The following ARL10 variants were observed in gnomAD, a reference collection of about 807,000 sequenced individuals.
ARL10 encodes the protein ADP-ribosylation factor-like protein 10.
In ARL10, 23 loss-of-function variants were observed where a neutral mutation model predicts 26.1. The observed-to-expected ratio is 0.88, with a 90% CI of 0.63 to 1.25. The LOEUF is 1.25. Among genes scored for constraint, ARL10 ranks in the 50% most tolerant of loss-of-function variants. The pLI, the probability that ARL10 is intolerant of heterozygous loss-of-function variation, is 0.00. For missense variants in ARL10, 300 were observed against 323.6 expected, an observed-to-expected ratio of 0.93 and a Z score of 0.56; for synonymous variants, 138 against 149.1, an observed-to-expected ratio of 0.93 and a Z score of 0.54.
chr5:176,396,801 C>T (rs565439361), intron 1 of ARL10, among the ~76,000 whole-genome samples: 6 of 152,184 alleles, frequency 3.9e-5, no homozygotes, highest in Non-Finnish European at 8.8e-5. Context: ...TCCCCACTGC[C>T]CATGTCACTG....
chr5:176,365,749 G>C lies in ARL10; in HGVS notation c.183+3G>C. ...TCCCCGAGTGGGACGAGTGGGACGT[G>C]AGTGCCGGGCCGAGGCCTGCGGAAG... On this transcript the variant is annotated splice_donor_region_variant and intron_variant, in intron 1 of 3. Coordinates refer to ENST00000310389, the MANE Select transcript of ARL10 (RefSeq NM_173664.6). 8.1e-7 allele frequency: 1 copy of C among 1,235,710 alleles called. No homozygotes were observed. Among genetic ancestry groups the C allele is most frequent in the Non-Finnish European group, 1.0e-6 (1 of 989,188 alleles). 76.5% of individuals were successfully genotyped at this position (1,235,710 alleles called of 1,614,324 possible).
chr5:176,384,575 C>T, downstream of ARL10: 1 of 587,590 alleles, frequency 1.7e-6, no homozygotes, highest in Non-Finnish European at 3.0e-6. Context: ...TCTCTTGAGC[C>T]CAGGAGTTCC....
exon 2 of ARL10, chr5:176,388,542 C>A (rs776730232): frequency 6.2e-7 from 1 of 1,606,728 alleles, no homozygotes; most frequent in Admixed American, 1.7e-5. Context: ...TTGGGCATCG[C>A]GCTGACCACC....
At chr5:176,406,797 C>T, downstream of ARL10, 3 of 1,045,154 alleles carry the variant, frequency 2.9e-6, no homozygotes, top group South Asian at 4.7e-5. Flanking sequence ...TTTCTCCTCC[C>T]CCTGCAGGTG....
In ARL10 at chr5:176,368,681, AGTGAGCGGGGGCCCGGGGTG is replaced by A. The variant is rs1561772420; in HGVS notation, c.386-124_386-105del. 5.9e-4 allele frequency: 616 copies of A among 1,043,334 alleles called. 7 individuals are homozygous for A. The highest frequency in any genetic ancestry group is 2.6e-3 in the African/African-American group (122 of 47,004). 64.6% of individuals were successfully genotyped at this position (1,043,334 alleles called of 1,614,324 possible). ...GCAGGGTGGGGTGGGGGCTGTGGGCAGTGAGCGGGGGCCCGGGGTGGGGTGGGGGCTGTGGGCAGTGAGCG... is the reference window on the plus strand; with the variant it reads ...GCAGGGTGGGGTGGGGGCTGTGGGCAGGGTGGGGGCTGTGGGCAGTGAGCG... On this transcript the variant is annotated intron_variant, in intron 2 of 3. Coordinates refer to ENST00000310389, the MANE Select transcript of ARL10 (RefSeq NM_173664.6). This position sits in a 1 kb window ranked among gnomAD's most constrained non-coding sequence, Gnocchi z 4.1.
chr5:176,366,539 G>C lies in ARL10; in HGVS notation c.343G>C (p.Val115Leu). Residue 115 changes from valine (V) to leucine (L), a missense_variant, in exon 2 of 4, where the codon GTG (valine) becomes CTG (leucine). Val to Leu is a conservative substitution (Grantham distance 32). Transcript: ENST00000310389. ...GHIPTWGFNS[V>L]RLPTKDFEVD... ...CATCCCCACCTGGGGCTTCAACTCC[G>C]TGCGTCTGCCCACCAAGGACTTTGA... The C allele has an allele frequency of 6.2e-7, 1 of 1,614,132 alleles. No homozygotes were observed. Among genetic ancestry groups the C allele is most frequent in the Non-Finnish European group, 8.5e-7 (1 of 1,180,028 alleles).
chr5:176,410,935 A>C, the ARL10 span, among the ~76,000 whole-genome samples: 1 of 152,184 alleles, frequency 6.6e-6, no homozygotes, highest in Non-Finnish European at 1.5e-5. Flanking sequence ...TTGATTAGTC[A>C]CAAATTCCTG....
At chr5:176,409,406 C>CTTTTTTTTTTTTTT in the ARL10 span, among the ~76,000 whole-genome samples, 1 of 79,656 alleles carries the variant, frequency 1.3e-5, no homozygotes. Flanking sequence ...TCTGATTGCC[C>CTTTTTTTTTTTTTT]TTTTTTTTTT....
At chr5:176,409,561 C>A in the ARL10 span, among the ~76,000 whole-genome samples, 3 of 151,958 alleles carry the variant, frequency 2.0e-5, no homozygotes, top group African/African-American at 4.8e-5. Flanking sequence ...TTACAGGCAC[C>A]TGCCACAATG....
rs1349948957 is a variant in ARL10 at position 176,375,200 on chromosome 5, C to T, written c.*3305C>T. 30 of 67,100 alleles carry T rather than the reference C, an allele frequency of 4.5e-4. No homozygotes were observed. Among genetic ancestry groups the T allele is most frequent in the Admixed American group, 7.7e-4 (5 of 6,490 alleles). The allele number at this position is 67,100 out of a possible 1,614,324, so 4.2% of individuals were successfully genotyped here. ...CCCACCCATCCACCCATCCATCCAT[C>T]CATCCACTCATCCACCCATCCACCC... is the stretch of plus-strand genomic sequence containing the variant. On this transcript the variant is annotated 3_prime_UTR_variant, in exon 4 of 4. Transcript: ENST00000310389.
At position 176,378,572 on chromosome 5, in the gene ARL10, A is replaced by G. The variant is rs1482719114; in HGVS notation, c.*6677A>G. On this transcript the variant is annotated 3_prime_UTR_variant, in exon 4 of 4. Coordinates refer to ENST00000310389, the MANE Select transcript of ARL10 (RefSeq NM_173664.6). Reference sequence around the variant, plus strand: ...TATACATAGCATGTCTGCTATGTATATAGCATTTTCTGATTTCCCTTTAGC... The same window carrying G: ...TATACATAGCATGTCTGCTATGTATGTAGCATTTTCTGATTTCCCTTTAGC... The G allele has an allele frequency of 6.6e-6, 1 of 152,272 alleles. No homozygotes were observed. Among genetic ancestry groups the G allele is most frequent in the African/African-American group, 2.4e-5 (1 of 41,470 alleles). 9.4% of individuals were successfully genotyped at this position (152,272 alleles called of 1,614,324 possible).
At chr5:176,389,724 C>T (rs1756184159), downstream of ARL10, 1 of 458,066 alleles carries the variant, frequency 2.2e-6, no homozygotes, top group Non-Finnish European at 3.9e-6. Context: ...CCCTCCACTC[C>T]CCTGCTTAAT....
Position 176,370,064 on chromosome 5 carries a change from A to G in ARL10, c.561+1082A>G, listed in dbSNP as rs75081256. On this transcript the variant is annotated intron_variant, in intron 3 of 3. Transcript: ENST00000310389. ...TTCTGGCTCTAGATCAGAGAGCTGA[A>G]GCTGGTAACTGATGAGAGGTAGAAC... 7.7e-3 allele frequency among the ~76,000 whole-genome samples: 1,168 copies of G among 152,262 alleles called. 11 individuals are homozygous for G. The highest frequency in any genetic ancestry group is 0.027 in the African/African-American group (1,108 of 41,536).
downstream of ARL10, among the ~76,000 whole-genome samples, chr5:176,382,461 G>A (rs562738433): frequency 2.7e-4 from 41 of 152,336 alleles, no homozygotes; most frequent in African/African-American, 9.4e-4. Context: ...CGAGCATGCA[G>A]AGCGTCCACT....
In ARL10 at chr5:176,365,765, C is replaced by A. The variant is rs1190721427; in HGVS notation, c.183+19C>A. ...GTGGGACGTGAGTGCCGGGCCGAGG[C>A]CTGCGGAAGGGCGGGCAGGCTGGGC... On this transcript the variant is annotated intron_variant, in intron 1 of 3. Coordinates refer to ENST00000310389, the MANE Select transcript of ARL10 (RefSeq NM_173664.6). 8.1e-7 allele frequency: 1 copy of A among 1,233,748 alleles called. No individual in the cohort carries two copies. The highest frequency in any genetic ancestry group is 4.2e-5 in the Admixed American group (1 of 23,674). The allele number at this position is 1,233,748 out of a possible 1,614,324, so 76.4% of individuals were successfully genotyped here. A position where few individuals can be genotyped will look rare whatever the true frequency, so the allele number is the denominator to read the frequency against.
rs1768387112 is a variant in ARL10 at position 176,368,083 on chromosome 5, A to C, written c.386-724A>C. ...CTGACTCTCACAGCTTAGAATCCTC[A>C]AGTGTCAGAAACATAGCCAGAAACA... On this transcript the variant is annotated intron_variant, in intron 2 of 3. Coordinates refer to ENST00000310389, the MANE Select transcript of ARL10 (RefSeq NM_173664.6). The surrounding 1 kb of genome is among the most constrained non-coding windows in gnomAD (Gnocchi z 4.1). 1 of 499,068 alleles carries C rather than the reference A, an allele frequency of 2.0e-6. No individual in the cohort carries two copies. The highest frequency in any genetic ancestry group is 2.0e-5 in the Admixed American group (1 of 49,686). 30.9% of individuals were successfully genotyped at this position (499,068 alleles called of 1,614,324 possible).
At chr5:176,386,104 A>ATTG (rs1158434978), downstream of ARL10, 1 of 153,128 alleles carries the variant, frequency 6.5e-6, no homozygotes, top group Non-Finnish European at 1.5e-5. Context: ...CCTGTTGCAC[A>ATTG]ACAAAGTCAA....
At chr5:176,397,639 A>G (rs1263902574) in intron 1 of ARL10, 1 of 1,603,706 alleles carries the variant, frequency 6.2e-7, no homozygotes, top group Non-Finnish European at 8.5e-7. Context: ...CTACTTGTTC[A>G]CTCTGGCGCT....
In ARL10 at chr5:176,372,298, C is replaced by G. The variant is rs1768570153; in HGVS notation, c.*403C>G. ...CAAGGTCTCCCAGTCCAGAAACAGT[C>G]TGGTGACGTCATGCCCTTCTCATGT... is the stretch of plus-strand genomic sequence containing the variant. On this transcript the variant is annotated 3_prime_UTR_variant, in exon 4 of 4. Coordinates refer to ENST00000310389, the MANE Select transcript of ARL10 (RefSeq NM_173664.6). The G allele has an allele frequency of 5.0e-6, 1 of 201,632 alleles. No individual in the cohort carries two copies. The highest frequency in any genetic ancestry group is 9.8e-6 in the Non-Finnish European group (1 of 101,576). 12.5% of individuals were successfully genotyped at this position (201,632 alleles called of 1,614,324 possible). A position where few individuals can be genotyped will look rare whatever the true frequency, so the allele number is the denominator to read the frequency against.
Sources: gnomAD v4.1 joint callset for allele counts (sites outside exome capture counted in the v4.1 genomes callset) on GRCh38, gnomAD v4.1.1 for gene constraint, Gnocchi (gnomAD v3.1) non-coding constraint, MANE v1.5 for transcripts, NCBI Gene and HGNC (gene_info 2026-07-23, HGNC 2026-07-21) for gene names.